The following CTNNA1 variants were observed in gnomAD, a reference collection of about 807,000 sequenced individuals.
CTNNA1 encodes the protein catenin alpha 1.
In CTNNA1, 37 loss-of-function variants were observed where a neutral mutation model predicts 98.4. The observed-to-expected ratio is 0.38, with a 90% CI of 0.29 to 0.49. CTNNA1 has a LOEUF of 0.49. Among genes scored for constraint, CTNNA1 ranks in the 20% least tolerant of loss-of-function variants. CTNNA1 has a pLI of 0.95. For synonymous variants in CTNNA1, 404 were observed against 413.2 expected (o/e 0.98, Z 0.27); for missense variants, 761 against 1,147.2 (o/e 0.66, Z 4.86).
chr5:138,885,376 A>G lies in CTNNA1; in HGVS notation c.1063-836A>G, dbSNP rs1291491020. ...GAACCGTATTTGTTTTGCGAAAACAAGCTTTTAATATACTTTATATATACT... is the reference window on the plus strand; with the variant it reads ...GAACCGTATTTGTTTTGCGAAAACAGGCTTTTAATATACTTTATATATACT... On this transcript the variant is annotated intron_variant, in intron 7 of 17. Transcript: ENST00000302763. Among the ~76,000 whole-genome samples the G allele has an allele frequency of 4.6e-5, 7 of 152,348 alleles. No homozygotes were observed. The East Asian group carries it at 1.2e-3, about 25-fold the overall frequency.
At chr5:138,794,012 ATTTTTTTTTTT>A (rs10717660) in intron 3 of CTNNA1, among the ~76,000 whole-genome samples, 1 of 112,298 alleles carries the variant, frequency 8.9e-6, no homozygotes, top group African/African-American at 3.4e-5. Context: ...TCCTGGGTTG[ATTTTTTTTTTT>A]TTTTTTTTTT....
At chr5:138,779,688 T>C (rs891713234) in intron 1 of CTNNA1, among the ~76,000 whole-genome samples, 2 of 151,380 alleles carry the variant, frequency 1.3e-5, no homozygotes, top group African/African-American at 4.9e-5. Flanking sequence ...AAATAAATAC[T>C]TGGGCACTGA....
chr5:138,787,065 C>T (rs1561525582), intron 3 of CTNNA1, among the ~76,000 whole-genome samples: 3 of 152,024 alleles, frequency 2.0e-5, no homozygotes, highest in Non-Finnish European at 2.9e-5. Context: ...TCACTGTTGA[C>T]GTTGTTTAGG....
chr5:138,776,942 C>T (rs1351680359), intron 1 of CTNNA1, among the ~76,000 whole-genome samples: 69 of 133,458 alleles, frequency 5.2e-4, no homozygotes, highest in African/African-American at 1.9e-3. Flanking sequence ...GCTGGCCGGG[C>T]GGGGGGCTGA....
At chr5:138,800,833 A>C (rs1757501121) in intron 3 of CTNNA1, among the ~76,000 whole-genome samples, 1 of 152,032 alleles carries the variant, frequency 6.6e-6, no homozygotes, top group South Asian at 2.1e-4. Flanking sequence ...AAGGGTGGGC[A>C]CGGTGGCTCA....
chr5:138,815,257 T>C (rs72788846), intron 5 of CTNNA1, among the ~76,000 whole-genome samples: 3 of 152,318 alleles, frequency 2.0e-5, no homozygotes, highest in Non-Finnish European at 4.4e-5. Flanking sequence ...GCCAAAGTTT[T>C]CTGAAATAAG....
intron 3 of CTNNA1, among the ~76,000 whole-genome samples, chr5:138,806,618 C>A (rs1032604011): frequency 6.6e-6 from 1 of 152,092 alleles, no homozygotes; most frequent in Non-Finnish European, 1.5e-5. Context: ...TGACTTCACT[C>A]TGGTTGAGGG....
chr5:138,782,518 A>G (rs766232984), intron 2 of CTNNA1: 12 of 267,678 alleles, frequency 4.5e-5, no homozygotes, highest in African/African-American at 6.8e-5. Context: ...TAGTATGTCT[A>G]TTGTTTGTAT....
intron 3 of CTNNA1, among the ~76,000 whole-genome samples, chr5:138,809,629 A>G (rs552047620): frequency 6.6e-6 from 1 of 152,330 alleles, no homozygotes; most frequent in East Asian, 1.9e-4. Flanking sequence ...GTGGTTCTGC[A>G]TAATTGTGGC....
chr5:138,776,971 G>C (rs1217692986), intron 1 of CTNNA1, among the ~76,000 whole-genome samples: 1 of 148,252 alleles, frequency 6.7e-6, no homozygotes, highest in Non-Finnish European at 1.5e-5. Context: ...CCTCCCTCCC[G>C]GACGGGGCGG....
intron 7 of CTNNA1, among the ~76,000 whole-genome samples, chr5:138,840,040 T>TTAACA (rs1472335322): frequency 6.6e-6 from 1 of 152,244 alleles, no homozygotes; most frequent in African/African-American, 2.4e-5. Flanking sequence ...GGGTCATTAA[T>TTAACA]AGCTGCCCCT....
intron 5 of CTNNA1, among the ~76,000 whole-genome samples, chr5:138,814,809 A>G (rs965022953): frequency 2.6e-5 from 4 of 151,712 alleles, no homozygotes; most frequent in African/African-American, 7.3e-5. Context: ...GCTGGAGTGC[A>G]GTGGTGCGAT....
At chr5:138,799,710 GT>G in intron 3 of CTNNA1, among the ~76,000 whole-genome samples, 1 of 151,168 alleles carries the variant, frequency 6.6e-6, no homozygotes, top group Non-Finnish European at 1.5e-5. Flanking sequence ...CTTGTTTATA[GT>G]TTTGCTGATG....
chr5:138,872,594 A>C (rs545320475), intron 7 of CTNNA1: 75 of 154,594 alleles, frequency 4.9e-4, no homozygotes, highest in Non-Finnish European at 9.2e-4. Flanking sequence ...TTTAAGCAGC[A>C]AGATAGTTGT....
chr5:138,924,791 G>GT (rs1171650721), intron 12 of CTNNA1, 81 bp downstream of exon 12: 68 of 1,283,024 alleles, frequency 5.3e-5, no homozygotes, highest in Non-Finnish European at 6.5e-5. Flanking sequence ...CAGCCCTGTG[G>GT]TGAGGAAGGA....
At chr5:138,905,511 CTT>C (rs1241610750) in intron 10 of CTNNA1, among the ~76,000 whole-genome samples, 1 of 152,230 alleles carries the variant, frequency 6.6e-6, no homozygotes, top group African/African-American at 2.4e-5. Context: ...AAGCTAGTCT[CTT>C]TATTCTGTAG....
At chr5:138,798,547 T>TATA (rs1757209559) in intron 3 of CTNNA1, among the ~76,000 whole-genome samples, 1 of 152,236 alleles carries the variant, frequency 6.6e-6, no homozygotes. Context: ...CCCGTAACTT[T>TATA]ATAAAGTTTG....
rs574358080 is a variant in CTNNA1, at chr5:138,835,513, G to A, written c.1062+7795G>A. Among the ~76,000 whole-genome samples, 291 of 152,320 alleles carry A rather than the reference G, an allele frequency of 1.9e-3. 2 individuals carry two copies. The highest frequency in any genetic ancestry group is 6.7e-3 in the African/African-American group (280 of 41,578). On this transcript the variant is annotated intron_variant, in intron 7 of 17. Coordinates refer to ENST00000302763, the MANE Select transcript of CTNNA1 (RefSeq NM_001903.5). ...GAATTGTTAGTGTAAGCTTTTCTGT[G>A]AGCTGCCTAATAAACAGGATTTGGG...
chr5:138,873,585 G>C lies in CTNNA1; in HGVS notation c.1063-12627G>C. On this transcript the variant is annotated intron_variant, in intron 7 of 17. Coordinates refer to ENST00000302763, the MANE Select transcript of CTNNA1 (RefSeq NM_001903.5). This position sits in a 1 kb window ranked among gnomAD's most constrained non-coding sequence, Gnocchi z 6.1. ...TCCCACCGACCTTGGAAACTGCCCA[G>C]CCAGGAGGCCAGAGCACATATTCGG... 1 of 1,613,984 alleles carries C rather than the reference G, an allele frequency of 6.2e-7. No homozygotes were observed. The highest frequency in any genetic ancestry group is 8.5e-7 in the Non-Finnish European group (1 of 1,179,900).
Sources: gnomAD v4.1 joint callset for allele counts (sites outside exome capture counted in the v4.1 genomes callset) on GRCh38, gnomAD v4.1.1 for gene constraint, Gnocchi (gnomAD v3.1) non-coding constraint, MANE v1.5 for transcripts, NCBI Gene and HGNC (gene_info 2026-07-23, HGNC 2026-07-21) for gene names.